Variants in LEKR1 observed in about 807,000 individuals in gnomAD.
LEKR1 encodes leucine, glutamate and lysine rich 1.
In LEKR1, 59 loss-of-function variants were observed where a neutral mutation model predicts 72.4. The ratio of observed to expected loss-of-function variants is 0.82; its 90% CI spans 0.66 to 1.01. The LOEUF is 1.01. Ranked by LOEUF, LEKR1 falls within the 50% of genes least tolerant of loss-of-function variation. The pLI, the probability that LEKR1 is intolerant of heterozygous loss-of-function variation, is 0.00. For missense variants in LEKR1, 728 were observed against 759.2 expected, an observed-to-expected ratio of 0.96 and a Z score of 0.48; for synonymous variants, 257 against 263.2, an observed-to-expected ratio of 0.98 and a Z score of 0.23.
At chr3:156,908,801 C>G (rs1386128580) in intron 3 of LEKR1, among the ~76,000 whole-genome samples, 1 of 152,058 alleles carries the variant, frequency 6.6e-6, no homozygotes, top group African/African-American at 2.4e-5. Context: ...TTGTACCCTT[C>G]TCTTGGGTCA....
chr3:156,839,999 C>T (rs918423945), intron 2 of LEKR1, among the ~76,000 whole-genome samples: 2 of 152,184 alleles, frequency 1.3e-5, no homozygotes, highest in African/African-American at 4.8e-5. Context: ...CCAACCCCTC[C>T]TCTTCCTCTT....
At chr3:156,964,417 TC>T (rs1439496687) in intron 6 of LEKR1, among the ~76,000 whole-genome samples, 1 of 152,140 alleles carries the variant, frequency 6.6e-6, no homozygotes, top group Non-Finnish European at 1.5e-5. Flanking sequence ...ATGATAAACA[TC>T]CTCATAATTA....
At chr3:156,947,672 G>A (rs1431664405) in intron 6 of LEKR1, among the ~76,000 whole-genome samples, 3 of 150,924 alleles carry the variant, frequency 2.0e-5, no homozygotes, top group Admixed American at 1.3e-4. Flanking sequence ...CCATCATAAA[G>A]TCAAAAAATC....
rs1040393755 is a variant in LEKR1 at position 156,885,542 on chromosome 3, T to C, written c.263+32560T>C. ...CTTCCTGAGAGCTGGACTGCAGTGA[T>C]TGTTATTGCTCTTCTATGCCTAGCC... On this transcript the variant is annotated intron_variant, in intron 3 of 12. Transcript: ENST00000356539. Among the ~76,000 whole-genome samples, 11 of 152,294 alleles carry C rather than the reference T, an allele frequency of 7.2e-5. No homozygotes were observed. The South Asian group carries it at 1.0e-3, about 14-fold the overall frequency.
intron 2 of LEKR1, among the ~76,000 whole-genome samples, chr3:156,842,745 T>C (rs1714094423): frequency 6.6e-6 from 1 of 152,222 alleles, no homozygotes; most frequent in East Asian, 1.9e-4. Flanking sequence ...AGGCTAAGAT[T>C]GTTAAAGCAT....
chr3:156,829,344 TC>T lies in LEKR1; in HGVS notation c.18del (p.Met7CysfsTer26). ...TTTGGGAAGTTATGGATCATCACAT[TC>T]CCATGCATGCGTTGCCTGAAGAAAT... is the stretch of plus-strand genomic sequence containing the variant. MDHHIPMHALPEEIQK... is the reference protein window; with the variant it reads MDHHIXMHALPEEIQK... On this transcript the variant is annotated frameshift_variant, in exon 2 of 13. Coordinates refer to ENST00000356539, the MANE Select transcript of LEKR1 (RefSeq NM_001004316.3). LOFTEE classifies it high-confidence loss of function. 6.5e-7 allele frequency: 1 copy of T among 1,534,840 alleles called. No individual in the cohort carries two copies. The highest frequency in any genetic ancestry group is 8.7e-7 in the Non-Finnish European group (1 of 1,145,644).
intron 7 of LEKR1, among the ~76,000 whole-genome samples, chr3:156,981,588 C>A (rs1730204838): frequency 6.6e-6 from 1 of 152,166 alleles, no homozygotes; most frequent in Non-Finnish European, 1.5e-5. Context: ...TGCTGGAGAC[C>A]TTTCTCTATG....
intron 4 of LEKR1, among the ~76,000 whole-genome samples, chr3:156,921,494 C>CA (rs1265940822): frequency 1.3e-5 from 2 of 152,060 alleles, no homozygotes; most frequent in East Asian, 3.9e-4. Context: ...AAATGCTTTG[C>CA]ACATAACTGA....
At chr3:156,904,342 C>A (rs932850997) in intron 3 of LEKR1, among the ~76,000 whole-genome samples, 2 of 150,900 alleles carry the variant, frequency 1.3e-5, no homozygotes, top group Non-Finnish European at 2.9e-5. Flanking sequence ...ATCCCCTTAT[C>A]CTCAAGAAAA....
rs35741457 is a variant in LEKR1, at chr3:156,953,162, TA to T, written c.745+10458del. Among the ~76,000 whole-genome samples the T allele has an allele frequency of 6.9e-3, 1,011 of 146,690 alleles. 11 individuals carry two copies. Among genetic ancestry groups the T allele is most frequent in the African/African-American group, 0.023 (917 of 39,938 alleles). On this transcript the variant is annotated intron_variant, in intron 6 of 12. Transcript: ENST00000356539. ...ATGAGAGATGAATGAGGGGAGTCTT[TA>T]AAAAAAAAAGCTTTATTTTTTATAG...
intron 3 of LEKR1, among the ~76,000 whole-genome samples, chr3:156,855,994 A>G (rs1036677651): frequency 4.6e-5 from 6 of 130,928 alleles, no homozygotes; most frequent in African/African-American, 2.4e-4. Context: ...ACTTCATACA[A>G]TGAAAGCAAA....
intron 3 of LEKR1, among the ~76,000 whole-genome samples, chr3:156,910,274 C>T (rs1241676364): frequency 6.6e-6 from 1 of 152,152 alleles, no homozygotes; most frequent in African/African-American, 2.4e-5. Context: ...AGTTTGTCAG[C>T]CCATACTGCT....
Position 156,882,840 on chromosome 3 carries a change from A to T in LEKR1, c.263+29858A>T, listed in dbSNP as rs570323559. 2.6e-5 allele frequency among the ~76,000 whole-genome samples: 4 copies of T among 152,016 alleles called. No homozygotes were observed. The South Asian group carries it at 8.3e-4, about 32-fold the overall frequency. ...TGCAGCCATAAAAAATGATGAGTTC[A>T]TGTCCTTTGTAGGGACATGGATGAA... On this transcript the variant is annotated intron_variant, in intron 3 of 12. Transcript: ENST00000356539.
chr3:157,039,623 A>C (rs1735211200), intron 12 of LEKR1, among the ~76,000 whole-genome samples: 1 of 152,196 alleles, frequency 6.6e-6, no homozygotes, highest in Non-Finnish European at 1.5e-5. Context: ...TGTCTCAAAA[A>C]ACGAAAAGAA....
intron 7 of LEKR1, among the ~76,000 whole-genome samples, chr3:156,982,985 T>G (rs909547801): frequency 3.3e-5 from 5 of 151,980 alleles, no homozygotes; most frequent in Non-Finnish European, 7.4e-5. Flanking sequence ...TCCTTCCTAA[T>G]TCACATTTCT....
chr3:157,001,827 T>G (rs1732038575), intron 9 of LEKR1, among the ~76,000 whole-genome samples: 3 of 152,170 alleles, frequency 2.0e-5, no homozygotes, highest in Admixed American at 2.0e-4. Context: ...GGGAGTTGTA[T>G]TAACATATTT....
chr3:156,968,710 C>A (rs1211490156), intron 6 of LEKR1, among the ~76,000 whole-genome samples: 2 of 152,116 alleles, frequency 1.3e-5, no homozygotes, highest in Non-Finnish European at 2.9e-5. Context: ...TTAGACAGAT[C>A]AATGAGACAG....
chr3:156,867,027 C>T lies in LEKR1; in HGVS notation c.263+14045C>T, dbSNP rs547892406. ...AAATGAAATCTCCTAAGAGAGAAGCCTCTGGACTTAATTTAAAGAGATACA... is the reference window on the plus strand; with the variant it reads ...AAATGAAATCTCCTAAGAGAGAAGCTTCTGGACTTAATTTAAAGAGATACA... On this transcript the variant is annotated intron_variant, in intron 3 of 12. Coordinates refer to ENST00000356539, the MANE Select transcript of LEKR1 (RefSeq NM_001004316.3). Among the ~76,000 whole-genome samples, 6 of 152,128 alleles carry T rather than the reference C, an allele frequency of 3.9e-5. No individual in the cohort carries two copies. In the East Asian group the frequency reaches 1.2e-3, roughly 29 times the overall value.
chr3:156,912,156 A>G (rs958697088), intron 3 of LEKR1, among the ~76,000 whole-genome samples: 1 of 152,094 alleles, frequency 6.6e-6, no homozygotes, highest in African/African-American at 2.4e-5. Flanking sequence ...TTTTATTTCA[A>G]TAGCTTTTGA....
Sources: gnomAD v4.1 joint callset for allele counts (sites outside exome capture counted in the v4.1 genomes callset) on GRCh38, gnomAD v4.1.1 for gene constraint, MANE v1.5 for transcripts, NCBI Gene and HGNC (gene_info 2026-07-23, HGNC 2026-07-21) for gene names.